DUXA: variants seen among roughly 807,000 people sequenced by gnomAD.
DUXA encodes the protein double homeobox protein A.
A neutral mutation model predicts 27.5 loss-of-function variants in DUXA; 25 were observed. The observed-to-expected ratio is 0.91, with a 90% CI of 0.66 to 1.27. The LOEUF is 1.27. Ranked by LOEUF, DUXA falls within the 50% of genes most tolerant of loss-of-function variation. The pLI is 0.00. For missense variants in DUXA, 247 were observed against 242.9 expected, an observed-to-expected ratio of 1.02 and a Z score of -0.11; for synonymous variants, 90 against 80.5, an observed-to-expected ratio of 1.12 and a Z score of -0.63.
rs1302036904 is a variant in DUXA, at chr19:57,154,377, G to A, written c.*35C>T. The A allele has an allele frequency of 1.9e-6, 3 of 1,589,636 alleles. No homozygotes were observed. Among genetic ancestry groups the A allele is most frequent in the South Asian group, 1.1e-5 (1 of 90,568 alleles). ...GACCGTGAGACAGATTTGGGGTCCA[G>A]TTGATATTATCAAGTACACTGAATT... On this transcript the variant is annotated 3_prime_UTR_variant, in exon 6 of 6. Transcript: ENST00000554048.
chr19:57,165,323 A>AT (rs1568465253), intron 1 of DUXA, among the ~76,000 whole-genome samples: 2,345 of 89,430 alleles, frequency 0.026, 25 homozygotes, highest in East Asian at 0.065. Context: ...AAAAAAAAAA[A>AT]AATATATATA....
intron 1 of DUXA, 125 bp downstream of exon 1, chr19:57,167,293 TC>T (rs1003453820): frequency 8.4e-7 from 1 of 1,189,648 alleles, no homozygotes; most frequent in African/African-American, 1.5e-5. Flanking sequence ...AAACCGGTTT[TC>T]CCCTATCCAG....
chr19:57,161,711 C>T (rs1031063721), intron 1 of DUXA, among the ~76,000 whole-genome samples: 1 of 150,592 alleles, frequency 6.6e-6, no homozygotes, highest in Non-Finnish European at 1.5e-5. Context: ...TTTTAAAAAA[C>T]AATGTGTTCT....
chr19:57,164,494 G>A (rs991566436), intron 1 of DUXA, among the ~76,000 whole-genome samples: 1 of 152,106 alleles, frequency 6.6e-6, no homozygotes, highest in Non-Finnish European at 1.5e-5. Flanking sequence ...AGAATCGCTT[G>A]AACCCGGGAG....
At chr19:57,160,542 TA>T (rs2122693534) in intron 2 of DUXA, 100 bp downstream of exon 2, 1 of 1,390,526 alleles carries the variant, frequency 7.2e-7, no homozygotes, top group Admixed American at 2.1e-5. Context: ...AGATACTCCC[TA>T]CCAAGCCCTC....
At chr19:57,154,542 G>A (rs1005057835) in intron 5 of DUXA, 60 bp from the exon 6 acceptor site, 12 of 1,363,026 alleles carry the variant, frequency 8.8e-6, no homozygotes, top group African/African-American at 8.7e-5. Flanking sequence ...TCACAAACAT[G>A]GACGTCAGCC....
intron 2 of DUXA, among the ~76,000 whole-genome samples, chr19:57,160,252 C>T (rs1008607894): frequency 2.0e-5 from 3 of 152,114 alleles, no homozygotes; most frequent in Admixed American, 6.6e-5. Context: ...GACAGTGAGA[C>T]CCTGACTCAA....
Position 57,154,160 on chromosome 19 carries a change from T to C in DUXA, c.*252A>G, listed in dbSNP as rs1271918443. On this transcript the variant is annotated 3_prime_UTR_variant, in exon 6 of 6. Coordinates refer to ENST00000554048, the MANE Select transcript of DUXA (RefSeq NM_001012729.2). ...ACAGTCCTTTTCATTTATTTTGTTT[T>C]TTTATAATAGAGGCAGAGTCTTGCT... 1.0e-5 allele frequency: 4 copies of C among 388,984 alleles called. No individual in the cohort carries two copies. Among genetic ancestry groups the C allele is most frequent in the South Asian group, 3.0e-5 (1 of 33,356 alleles). 24.1% of individuals were successfully genotyped at this position (388,984 alleles called of 1,614,324 possible).
At chr19:57,161,442 T>G (rs1342036431) in intron 1 of DUXA, among the ~76,000 whole-genome samples, 3 of 148,390 alleles carry the variant, frequency 2.0e-5, no homozygotes, top group Non-Finnish European at 4.4e-5. Context: ...GCTAACATGA[T>G]GAAACCCCGT....
chr19:57,164,110 A>G (rs1057279285), intron 1 of DUXA, among the ~76,000 whole-genome samples: 12 of 152,188 alleles, frequency 7.9e-5, no homozygotes, highest in African/African-American at 2.9e-4. Context: ...GACACATCGA[A>G]AAAGGACAAT....
rs775159263 is a variant in DUXA at position 57,158,360 on chromosome 19, T to C, written c.406A>G (p.Lys136Glu). The change falls in exon 4 of 6, where the codon AAA becomes GAA. Residue 136 changes from lysine to glutamate, a missense_variant. Physicochemically the swap from Lys to Glu is moderately conservative, Grantham distance 56. Transcript: ENST00000554048. Reference sequence around the variant, plus strand: ...CTTGACTCTGGAACACCGATTTCTTTAGCAAGTTCTTCTCTGGAATCAATC... The same window carrying C: ...CTTGACTCTGGAACACCGATTTCTTCAGCAAGTTCTTCTCTGGAATCAATC... ...PGIDSREELA[K>E]EIGVPESRVQ... 1 of 1,612,320 alleles carries C rather than the reference T, an allele frequency of 6.2e-7. No individual in the cohort carries two copies. Among genetic ancestry groups the C allele is most frequent in the African/African-American group, 1.3e-5 (1 of 74,882 alleles).
At position 57,159,293 on chromosome 19, in the gene DUXA, G is replaced by A. The variant is rs2087008328; in HGVS notation, c.181-15C>T. 4.4e-6 allele frequency: 7 copies of A among 1,607,298 alleles called. No homozygotes were observed. Among genetic ancestry groups the A allele is most frequent in the South Asian group, 3.3e-5 (3 of 90,718 alleles). On this transcript the variant is annotated splice_polypyrimidine_tract_variant and intron_variant, in intron 2 of 5. Coordinates refer to ENST00000554048, the MANE Select transcript of DUXA (RefSeq NM_001012729.2). ...TGAAACCAAATCTAAGTGAGGAAAA[G>A]AAAAGGAGAGAATTACGTGTTAATG...
rs370219161 is a variant in DUXA at position 57,154,673 on chromosome 19, C to T, written c.545-191G>A. On this transcript the variant is annotated intron_variant, in intron 5 of 5. Coordinates refer to ENST00000554048, the MANE Select transcript of DUXA (RefSeq NM_001012729.2). Reference sequence around the variant, plus strand: ...CCGCCTCCCGGGTTCACGCCATGCTCCTGCCTCAGCCTCCCGAGTAGCTGG... The same window carrying T: ...CCGCCTCCCGGGTTCACGCCATGCTTCTGCCTCAGCCTCCCGAGTAGCTGG... Among the ~76,000 whole-genome samples, 600 of 151,976 alleles carry T rather than the reference C, an allele frequency of 3.9e-3. 2 individuals are homozygous for T. The highest frequency in any genetic ancestry group is 6.1e-3 in the Non-Finnish European group (414 of 67,958).
At chr19:57,166,525 G>C (rs1395229623) in intron 1 of DUXA, among the ~76,000 whole-genome samples, 2 of 152,150 alleles carry the variant, frequency 1.3e-5, no homozygotes, top group African/African-American at 2.4e-5. Context: ...AGCCAGGCTG[G>C]TCTTGAACTC....
At chr19:57,160,602 CT>C in intron 2 of DUXA, 40 bp downstream of exon 2, 2 of 1,604,968 alleles carry the variant, frequency 1.2e-6, no homozygotes, top group Non-Finnish European at 1.7e-6. Context: ...TCTCTCCTGC[CT>C]TTTTACTTCC....
chr19:57,157,272 T>G (rs534803948), intron 4 of DUXA, among the ~76,000 whole-genome samples: 1 of 152,208 alleles, frequency 6.6e-6, no homozygotes. Context: ...GTGTCAGGAA[T>G]GAATCCTCGG....
At position 57,158,313 on chromosome 19, in the gene DUXA, C is replaced by T; in HGVS notation, c.438+15G>A. On this transcript the variant is annotated intron_variant, in intron 4 of 5. Transcript: ENST00000554048. ...GATCCCTAGGAGATGGGACAACCAC[C>T]TTCTTATCACTCACTTGGACTCTTG... 1 of 1,611,442 alleles carries T rather than the reference C, an allele frequency of 6.2e-7. No homozygotes were observed. The highest frequency in any genetic ancestry group is 1.7e-5 in the Admixed American group (1 of 59,990).
chr19:57,161,344 C>A (rs1458580083), intron 1 of DUXA, among the ~76,000 whole-genome samples: 35 of 31,396 alleles, frequency 1.1e-3, no homozygotes, highest in South Asian at 2.1e-3. Context: ...AAAAAAAAAA[C>A]TGGGCGCGGT....
intron 5 of DUXA, 94 bp from the exon 6 acceptor site, chr19:57,154,576 T>A: frequency 1.8e-6 from 2 of 1,086,642 alleles, no homozygotes; most frequent in Non-Finnish European, 1.3e-6. Context: ...TCTTTTTTTT[T>A]TTTTTTAGAC....
Sources: allele counts gnomAD v4.1 joint callset (sites outside exome capture counted in the v4.1 genomes callset), GRCh38; gene constraint gnomAD v4.1.1; transcripts MANE v1.5; gene names NCBI Gene and HGNC (gene_info 2026-07-23, HGNC 2026-07-21).